Variants in GUCA1C observed in about 807,000 individuals in gnomAD.
GUCA1C encodes guanylate cyclase activator 1C.
In GUCA1C, 15 loss-of-function variants were observed where a neutral mutation model predicts 16.2. The ratio of observed to expected loss-of-function variants is 0.93; its 90% CI spans 0.62 to 1.43. GUCA1C has a LOEUF of 1.43. GUCA1C is among the 40% of genes most tolerant of loss of function. GUCA1C has a pLI of 0.00. For missense variants in GUCA1C, 275 were observed against 244.8 expected (o/e 1.12, Z -0.82); for synonymous variants, 78 against 85.4 (o/e 0.91, Z 0.48).
chr3:108,945,841 A>G (rs1946839273), intron 1 of GUCA1C, among the ~76,000 whole-genome samples: 1 of 152,232 alleles, frequency 6.6e-6, no homozygotes, highest in Non-Finnish European at 1.5e-5. Flanking sequence ...CTGTTATACT[A>G]AAAGAGAAGT....
At chr3:108,927,130 G>C (rs1194008544) in intron 1 of GUCA1C, among the ~76,000 whole-genome samples, 1 of 152,160 alleles carries the variant, frequency 6.6e-6, no homozygotes, top group East Asian at 1.9e-4. Flanking sequence ...CTTATAGGTT[G>C]CCTGATGCTT....
At chr3:108,931,944 C>T (rs1429825882) in intron 1 of GUCA1C, among the ~76,000 whole-genome samples, 2 of 150,346 alleles carry the variant, frequency 1.3e-5, no homozygotes, top group African/African-American at 2.5e-5. Flanking sequence ...TCTGGCCTCC[C>T]GAGTTCATGC....
At chr3:108,938,088 G>T (rs1385687477) in intron 1 of GUCA1C, among the ~76,000 whole-genome samples, 1 of 151,264 alleles carries the variant, frequency 6.6e-6, no homozygotes. Flanking sequence ...CACAGAAATA[G>T]AAATTGTTGT....
At chr3:108,954,255 T>C (rs1345403968), upstream of GUCA1C, among the ~76,000 whole-genome samples, 3 of 152,210 alleles carry the variant, frequency 2.0e-5, no homozygotes, top group East Asian at 1.9e-4. Flanking sequence ...TACCTGAGTA[T>C]TGTGAAGATA....
At chr3:108,935,125 T>C (rs1946712085) in intron 1 of GUCA1C, among the ~76,000 whole-genome samples, 1 of 151,928 alleles carries the variant, frequency 6.6e-6, no homozygotes, top group Non-Finnish European at 1.5e-5. Context: ...TTCTTGCTCT[T>C]AAGTAGGAGC....
chr3:108,932,671 C>T (rs965846776), intron 1 of GUCA1C, among the ~76,000 whole-genome samples: 2 of 152,084 alleles, frequency 1.3e-5, no homozygotes, highest in African/African-American at 4.8e-5. Context: ...CCTGTAATCC[C>T]AGCACTTTGG....
chr3:108,923,258 A>C (rs1437521847), intron 1 of GUCA1C, among the ~76,000 whole-genome samples: 2 of 152,168 alleles, frequency 1.3e-5, no homozygotes, highest in East Asian at 3.8e-4. Context: ...AAGGTCTAGA[A>C]GGGTTTTTCT....
intron 1 of GUCA1C, among the ~76,000 whole-genome samples, chr3:108,951,783 C>T (rs1946898710): frequency 6.6e-6 from 1 of 152,208 alleles, no homozygotes; most frequent in Non-Finnish European, 1.5e-5. Flanking sequence ...AAATTAAGCT[C>T]CTGGGATGGG....
intron 2 of GUCA1C, among the ~76,000 whole-genome samples, chr3:108,919,230 CCTTT>C (rs773487382): frequency 6.6e-6 from 1 of 151,252 alleles, no homozygotes; most frequent in Admixed American, 6.6e-5. Context: ...TCTTTTTTTC[CCTTT>C]CTAAGTTTAG....
chr3:108,917,905 C>T (rs777848219), intron 2 of GUCA1C, among the ~76,000 whole-genome samples: 36 of 152,062 alleles, frequency 2.4e-4, no homozygotes, highest in Non-Finnish European at 4.1e-4. Flanking sequence ...ATTAGCCAGG[C>T]GTGGTGGCGG....
At chr3:108,939,324 CTTTTTTTTTT>C (rs549981150) in intron 1 of GUCA1C, among the ~76,000 whole-genome samples, 9 of 32,912 alleles carry the variant, frequency 2.7e-4, no homozygotes, top group Non-Finnish European at 4.8e-4. Context: ...TGCTTCAAGG[CTTTTTTTTTT>C]TTTTTTTTTT....
rs2715691 is a variant in GUCA1C, at chr3:108,916,985, G to A, written c.355-771C>T. ...AATTAGAGGACACAATCATAAATAT[G>A]ACTCTCTCTCTCTTGCTTCTTCTCA... On this transcript the variant is annotated intron_variant, in intron 2 of 3. Transcript: ENST00000261047. Among the ~76,000 whole-genome samples the A allele has an allele frequency of 6.4e-3, 970 of 152,270 alleles. 7 individuals are homozygous for A. Among genetic ancestry groups the A allele is most frequent in the African/African-American group, 0.021 (867 of 41,542 alleles).
chr3:108,930,057 G>T (rs1308441843), intron 1 of GUCA1C, among the ~76,000 whole-genome samples: 1 of 152,182 alleles, frequency 6.6e-6, no homozygotes, highest in Non-Finnish European at 1.5e-5. Flanking sequence ...TCACTCTTTA[G>T]AATCATATGC....
intron 1 of GUCA1C, among the ~76,000 whole-genome samples, chr3:108,927,027 T>A (rs1440366435): frequency 6.6e-6 from 1 of 152,178 alleles, no homozygotes; most frequent in East Asian, 1.9e-4. Flanking sequence ...GGCTGATAAT[T>A]GCTTTGTTTA....
chr3:108,936,758 T>C (rs1000693436), intron 1 of GUCA1C, among the ~76,000 whole-genome samples: 2 of 152,166 alleles, frequency 1.3e-5, no homozygotes, highest in Non-Finnish European at 2.9e-5. Context: ...GAGATGAAGA[T>C]GCTGCACCTT....
upstream of GUCA1C, among the ~76,000 whole-genome samples, chr3:108,954,599 C>T (rs1946930566): frequency 6.6e-6 from 1 of 152,130 alleles, no homozygotes; most frequent in Admixed American, 6.5e-5. Flanking sequence ...GTCAATGGAC[C>T]TAAGAACTGT....
At chr3:108,954,383 T>TTA (rs1946929344), upstream of GUCA1C, among the ~76,000 whole-genome samples, 1 of 152,158 alleles carries the variant, frequency 6.6e-6, no homozygotes, top group South Asian at 2.1e-4. Context: ...GAACTTCAGA[T>TTA]GTAGTAGTCA....
intron 3 of GUCA1C, among the ~76,000 whole-genome samples, chr3:108,912,251 T>C (rs1159041127): frequency 1.3e-5 from 2 of 151,900 alleles, no homozygotes; most frequent in African/African-American, 4.8e-5. Context: ...CTTTCTGCAC[T>C]TGATGTTGTG....
At chr3:108,918,535 T>C (rs1946539558) in intron 2 of GUCA1C, among the ~76,000 whole-genome samples, 1 of 152,180 alleles carries the variant, frequency 6.6e-6, no homozygotes, top group Non-Finnish European at 1.5e-5. Context: ...TCTCAATGGT[T>C]TCCTAACATC....
Sources: gnomAD v4.1 joint callset for allele counts (sites outside exome capture counted in the v4.1 genomes callset) on GRCh38, gnomAD v4.1.1 for gene constraint, MANE v1.5 for transcripts, NCBI Gene and HGNC (gene_info 2026-07-23, HGNC 2026-07-21) for gene names.